AQP10: variants seen among roughly 807,000 people sequenced by gnomAD.
AQP10 encodes the protein aquaporin-10.
In AQP10, 15 loss-of-function variants were observed where a neutral mutation model predicts 21.0. The observed-to-expected ratio is 0.71, with a 90% CI of 0.48 to 1.10. AQP10 has a LOEUF of 1.10. Ranked by LOEUF, AQP10 falls within the 50% of genes least tolerant of loss-of-function variation. The pLI, the probability that AQP10 is intolerant of heterozygous loss-of-function variation, is 0.00. For missense variants in AQP10, 268 were observed against 379.5 expected (o/e 0.71, Z 2.44); for synonymous variants, 143 against 155.7 (o/e 0.92, Z 0.61).
intron 2 of AQP10, among the ~76,000 whole-genome samples, chr1:154,322,576 T>G (rs1203076675): frequency 6.7e-6 from 1 of 149,632 alleles, no homozygotes; most frequent in African/African-American, 2.4e-5. Flanking sequence ...GTCTGTTCAC[T>G]GCAACCTCTG....
Position 154,323,926 on chromosome 1 carries a change from C to T in AQP10, c.707+120C>T. The T allele has an allele frequency of 6.7e-7, 1 of 1,495,498 alleles. No individual in the cohort carries two copies. Among genetic ancestry groups the T allele is most frequent in the Non-Finnish European group, 8.9e-7 (1 of 1,118,286 alleles). 92.6% of individuals were successfully genotyped at this position (1,495,498 alleles called of 1,614,324 possible). A position where few individuals can be genotyped will look rare whatever the true frequency, so the allele number is the denominator to read the frequency against. On this transcript the variant is annotated intron_variant, in intron 5 of 5. Coordinates refer to ENST00000324978, the MANE Select transcript of AQP10 (RefSeq NM_080429.3). The surrounding 1 kb of genome is among the most constrained non-coding windows in gnomAD (Gnocchi z 4.5). ...TCTCTTGGCTTCTTAGGACAGTGTT[C>T]TTTCTCCAAGTCATATTCTCCCCCT...
chr1:154,322,163 T>C (rs781628057), intron 2 of AQP10, 104 bp downstream of exon 2: 729 of 1,513,724 alleles, frequency 4.8e-4, no homozygotes, highest in Non-Finnish European at 6.1e-4. Flanking sequence ...TCGTGGACAT[T>C]ATCCCCTTGA....
Position 154,324,531 on chromosome 1 carries a change from C to T in AQP10, c.*51C>T, listed in dbSNP as rs1181887724. The stretch of plus-strand genomic sequence containing the variant: ...GGACCCTGGAGCCAGCCACTGACCC[C>T]GCCTGGGAACAACAGTCATTCTTCC... On this transcript the variant is annotated 3_prime_UTR_variant, in exon 6 of 6. Coordinates refer to ENST00000324978, the MANE Select transcript of AQP10 (RefSeq NM_080429.3). 18 of 1,554,208 alleles carry T rather than the reference C, an allele frequency of 1.2e-5. No individual in the cohort carries two copies. The highest frequency in any genetic ancestry group is 4.6e-5 in the East Asian group (2 of 43,692).
chr1:154,322,551 G>T lies in AQP10; in HGVS notation c.233-431G>T, dbSNP rs565221133. 5.5e-5 allele frequency among the ~76,000 whole-genome samples: 8 copies of T among 145,062 alleles called. No individual in the cohort carries two copies. The South Asian group carries it at 1.7e-3, about 32-fold the overall frequency. On this transcript the variant is annotated intron_variant, in intron 2 of 5. Transcript: ENST00000324978. ...GTTTCACTCTGTTGCCCAGGCTGGA[G>T]AGCAGTGGTGTGATGTCTGTTCACT...
At chr1:154,324,033 A>G (rs1685707268) in intron 5 of AQP10, 4 of 1,406,146 alleles carry the variant, frequency 2.8e-6, no homozygotes, top group South Asian at 1.5e-5. Context: ...CATTACTTCC[A>G]TGCACATTAG....
At chr1:154,322,489 C>CTTCTTCTTCTTTTTTTT (rs376265152) in intron 2 of AQP10, among the ~76,000 whole-genome samples, 14 of 117,854 alleles carry the variant, frequency 1.2e-4, no homozygotes, top group Admixed American at 2.9e-4. Context: ...GTGTCTTCTT[C>CTTCTTCTTCTTTTTTTT]TTTTTTTTTT....
chr1:154,323,330 C>G lies in AQP10; in HGVS notation c.460C>G (p.Leu154Val), dbSNP rs1685689079. The G allele has an allele frequency of 6.2e-7, 1 of 1,614,150 alleles. No homozygotes were observed. Among genetic ancestry groups the G allele is most frequent in the Non-Finnish European group, 8.5e-7 (1 of 1,180,002 alleles). ...SIFATYPAPY[L>V]SLNNGFLDQV... ...TTTTGCCACCTATCCTGCCCCCTAT[C>G]TGTCCCTGAACAATGGCTTCCTGGA... The change falls in exon 4 of 6, where the codon CTG becomes GTG. Residue 154 changes from leucine to valine, a missense_variant. Physicochemically the swap from Leu to Val is conservative, Grantham distance 32 (BLOSUM62 1). Around this residue, in one of 3 missense-constraint regions of AQP10, gnomAD observed 229 missense variants for 295.1 expected, o/e 0.78. Transcript: ENST00000324978. The surrounding 1 kb of genome is among the most constrained non-coding windows in gnomAD (Gnocchi z 4.5).
At position 154,321,947 on chromosome 1, in the gene AQP10, A is replaced by G; in HGVS notation, c.120A>G (p.Gly40=). ...GVFVLMLLTQ[G]AVAQAVTSGE... Reference sequence around the variant, plus strand: ...CTTCTCAGCAGCTCCTCACCCAAGGAGCTGTGGCCCAGGCTGTCACCAGTG... The same window carrying G: ...CTTCTCAGCAGCTCCTCACCCAAGGGGCTGTGGCCCAGGCTGTCACCAGTG... The change falls in exon 2 of 6, where the codon GGA becomes GGG. Residue 40 remains glycine, a synonymous_variant. Coordinates refer to ENST00000324978, the MANE Select transcript of AQP10 (RefSeq NM_080429.3). The G allele has an allele frequency of 6.2e-7, 1 of 1,612,594 alleles. No individual in the cohort carries two copies. The highest frequency in any genetic ancestry group is 8.5e-7 in the Non-Finnish European group (1 of 1,179,672).
In AQP10 at chr1:154,323,391, C is replaced by T. The variant is rs1685689950; in HGVS notation, c.489+32C>T. ...GTGAGGGGGAGACCTGGGGACACTA[C>T]TTTGGTCCTGTTCCTCGGCACCCCA... On this transcript the variant is annotated intron_variant, in intron 4 of 5. Coordinates refer to ENST00000324978, the MANE Select transcript of AQP10 (RefSeq NM_080429.3). The surrounding 1 kb of genome is among the most constrained non-coding windows in gnomAD (Gnocchi z 4.5). 6.3e-7 allele frequency: 1 copy of T among 1,598,812 alleles called. No individual in the cohort carries two copies. Among genetic ancestry groups the T allele is most frequent in the Non-Finnish European group, 8.6e-7 (1 of 1,167,456 alleles).
chr1:154,323,139 G>T lies in AQP10; in HGVS notation c.370+20G>T, dbSNP rs533933142. The stretch of plus-strand genomic sequence containing the variant: ...ACCATGGTGACAGAGGGAACAGAGG[G>T]AGCTGTGCCTTGAGAGCACCTGTGG... On this transcript the variant is annotated intron_variant, in intron 3 of 5. Coordinates refer to ENST00000324978, the MANE Select transcript of AQP10 (RefSeq NM_080429.3). The surrounding 1 kb of genome is among the most constrained non-coding windows in gnomAD (Gnocchi z 4.5). 6.2e-7 allele frequency: 1 copy of T among 1,614,168 alleles called. No homozygotes were observed. Among genetic ancestry groups the T allele is most frequent in the Admixed American group, 1.7e-5 (1 of 60,016 alleles).
At position 154,324,795 on chromosome 1, in the gene AQP10, C is replaced by T. The variant is rs1010060209; in HGVS notation, c.*315C>T. The T allele has an allele frequency of 4.2e-6, 1 of 235,612 alleles. No individual in the cohort carries two copies. Among genetic ancestry groups the T allele is most frequent in the Non-Finnish European group, 8.4e-6 (1 of 119,124 alleles). 14.6% of individuals were successfully genotyped at this position (235,612 alleles called of 1,614,324 possible). On this transcript the variant is annotated 3_prime_UTR_variant, in exon 6 of 6. Transcript: ENST00000324978. The stretch of plus-strand genomic sequence containing the variant: ...CCTGGATGCTGGATGGGGACGGCTG[C>T]GGGCATCTGCAGGGTGGAGGGGGCC...
Position 154,324,445 on chromosome 1 carries a change from C to A in AQP10, c.871C>A (p.Pro291Thr). 6.2e-7 allele frequency: 1 copy of A among 1,613,714 alleles called. No homozygotes were observed. The highest frequency in any genetic ancestry group is 8.5e-7 in the Non-Finnish European group (1 of 1,179,982). ...ACACAAAGCCTCAGAGTTGGAAACTCCTGCCTCAGCTCAGATGCTGGAGTG... is the reference window on the plus strand; with the variant it reads ...ACACAAAGCCTCAGAGTTGGAAACTACTGCCTCAGCTCAGATGCTGGAGTG... ...AQHKASELET[P>T]ASAQMLECKL Residue 291 changes from proline (P) to threonine (T), a missense_variant, in exon 6 of 6, where the codon CCT (proline) becomes ACT (threonine). Coordinates refer to ENST00000324978, the MANE Select transcript of AQP10 (RefSeq NM_080429.3).
At position 154,324,488 on chromosome 1, in the gene AQP10, A is replaced by G; in HGVS notation, c.*8A>G. 1 of 1,611,786 alleles carries G rather than the reference A, an allele frequency of 6.2e-7. No individual in the cohort carries two copies. The highest frequency in any genetic ancestry group is 8.5e-7 in the Non-Finnish European group (1 of 1,179,106). Reference sequence around the variant, plus strand: ...CTGGAGTGTAAGCTATGATTAGGACAACCCTCACTTCACTCATGGACCCTG... The same window carrying G: ...CTGGAGTGTAAGCTATGATTAGGACGACCCTCACTTCACTCATGGACCCTG... On this transcript the variant is annotated 3_prime_UTR_variant, in exon 6 of 6. Coordinates refer to ENST00000324978, the MANE Select transcript of AQP10 (RefSeq NM_080429.3).
At position 154,323,043 on chromosome 1, in the gene AQP10, C is replaced by T. The variant is rs367711654; in HGVS notation, c.294C>T (p.Val98=). Reference sequence around the variant, plus strand: ...GCATCGTTGGACGCCTCCCCTGGGTCAAGCTCCCCATTTACATCTTGGTGC... The same window carrying T: ...GCATCGTTGGACGCCTCCCCTGGGTTAAGCTCCCCATTTACATCTTGGTGC... ...AMCIVGRLPW[V]KLPIYILVQL... Residue 98 remains valine, a synonymous_variant, in exon 3 of 6, where the codon GTC becomes GTT. Transcript: ENST00000324978. The surrounding 1 kb of genome is among the most constrained non-coding windows in gnomAD (Gnocchi z 4.5). 2 of 1,614,094 alleles carry T rather than the reference C, an allele frequency of 1.2e-6. No individual in the cohort carries two copies. The highest frequency in any genetic ancestry group is 1.7e-5 in the Admixed American group (1 of 60,006).
intron 5 of AQP10, 68 bp from the exon 6 acceptor site, chr1:154,324,214 C>T: frequency 7.0e-7 from 1 of 1,425,102 alleles, no homozygotes; most frequent in South Asian, 1.4e-5. Flanking sequence ...GTTACTGCCC[C>T]CCGTCCTTGG....
At chr1:154,324,111 T>A in intron 5 of AQP10, 171 bp from the exon 6 acceptor site, 1 of 1,140,678 alleles carries the variant, frequency 8.8e-7, no homozygotes, top group South Asian at 1.7e-5. Context: ...CAAGCTCTCC[T>A]GGGGTTCCCT....
In AQP10 at chr1:154,322,035, A is replaced by G. The variant is rs544930612; in HGVS notation, c.208A>G (p.Ile70Val). The change falls in exon 2 of 6, where the codon ATC becomes GTC. Residue 70 changes from isoleucine (I) to valine (V), a missense_variant. By Grantham distance (29) the Ile-to-Val change is conservative. This residue lies in a region of AQP10 where 229 missense variants were observed against 295.1 expected (regional missense o/e 0.78). Transcript: ENST00000324978. ...LAGSLAVTIA[I>V]YVGGNVSGAH... ...TGGCTCTCTGGCCGTTACGATAGCC[A>G]TCTACGTGGGTGGTAACGTCTCAGG... The G allele has an allele frequency of 7.4e-6, 12 of 1,613,610 alleles. No individual in the cohort carries two copies. In the East Asian group the frequency reaches 1.3e-4, roughly 18 times the overall value.
chr1:154,321,231 G>A lies in AQP10; in HGVS notation c.76G>A (p.Ala26Thr), dbSNP rs1270423632. Reference protein sequence around the residue: ...IRSLLARQCLAEFLGVFVLML... With the variant: ...IRSLLARQCLTEFLGVFVLML... The stretch of plus-strand genomic sequence containing the variant: ...CAGCCTCCTGGCCCGGCAGTGCCTG[G>A]CAGAGTTTCTGGGTGTGTTTGTACT... The change falls in exon 1 of 6, where the codon GCA becomes ACA. Residue 26 changes from alanine (A) to threonine (T), a missense_variant. Physicochemically the swap from Ala to Thr is moderately conservative, Grantham distance 58. Around this residue, in one of 3 missense-constraint regions of AQP10, gnomAD observed 33 missense variants for 47.1 expected, o/e 0.70. Transcript: ENST00000324978. 6.2e-7 allele frequency: 1 copy of A among 1,613,718 alleles called. No homozygotes were observed. Among genetic ancestry groups the A allele is most frequent in the East Asian group, 2.2e-5 (1 of 44,838 alleles).
Position 154,322,925 on chromosome 1 carries a change from A to G in AQP10, c.233-57A>G, listed in dbSNP as rs1230009323. On this transcript the variant is annotated intron_variant, in intron 2 of 5. Transcript: ENST00000324978. ...GAAGGAGCAGTAGTGTTGTCTGGTG[A>G]CAATGCCTGGCAGTGACACTTAATA... 5.6e-6 allele frequency: 9 copies of G among 1,605,812 alleles called. No homozygotes were observed. The East Asian group carries it at 1.8e-4, about 32-fold the overall frequency.
Sources: allele counts gnomAD v4.1 joint callset (sites outside exome capture counted in the v4.1 genomes callset), GRCh38; gene constraint gnomAD v4.1.1; regional missense constraint gnomAD v4.1.1; non-coding constraint Gnocchi (gnomAD v3.1); transcripts MANE v1.5; gene names NCBI Gene and HGNC (gene_info 2026-07-23, HGNC 2026-07-21).